Variants in KCNJ10 observed in about 807,000 individuals in gnomAD.
The protein encoded by KCNJ10 is potassium inwardly rectifying channel subfamily J member 10, also known as ATP-sensitive inward rectifier potassium channel 10.
KCNJ10 carries 9 observed loss-of-function variants against 22.2 expected under a neutral mutation model. That is an observed-to-expected ratio of 0.40 (90% CI 0.24 to 0.71). The LOEUF (loss-of-function observed/expected upper bound fraction) is 0.71, where lower values mean the gene tolerates loss of function less well. KCNJ10 is among the 30% of genes least tolerant of loss of function. The probability of loss-of-function intolerance (pLI) is 0.35; values close to 1 mark genes in which losing one functional copy is unlikely to be tolerated. For missense variants in KCNJ10, 337 were observed against 482.7 expected (o/e 0.70, Z 2.83); for synonymous variants, 184 against 187.3 (o/e 0.98, Z 0.15).
intron 1 of KCNJ10, among the ~76,000 whole-genome samples, chr1:160,054,982 T>C (rs1648992338): frequency 6.6e-6 from 1 of 152,060 alleles, no homozygotes; most frequent in South Asian, 2.1e-4. Context: ...AAGACTGACC[T>C]CCCCAACCAT....
At chr1:160,059,676 C>T (rs984537401) in intron 1 of KCNJ10, among the ~76,000 whole-genome samples, 4 of 152,174 alleles carry the variant, frequency 2.6e-5, no homozygotes, top group Admixed American at 6.5e-5. Flanking sequence ...GAGGAGGAGA[C>T]ATTCAGCAAT....
At position 160,053,212 on chromosome 1, in the gene KCNJ10, G is replaced by T. The variant is rs145135420; in HGVS notation, c.1-10680C>A. 2.3e-3 allele frequency among the ~76,000 whole-genome samples: 345 copies of T among 152,260 alleles called. 3 individuals carry two copies. The highest frequency in any genetic ancestry group is 7.8e-3 in the African/African-American group (325 of 41,548). On this transcript the variant is annotated intron_variant, in intron 1 of 1. Transcript: ENST00000644903. ...TGGTCCCACTCCTCCCCCCGGCCTC[G>T]GTGGAGAGAGCAAACAGCTACTCAG...
intron 1 of KCNJ10, among the ~76,000 whole-genome samples, chr1:160,066,014 C>T (rs1321651): frequency 0.53 from 80,031 of 151,520 alleles, 21,472 homozygotes; most frequent in East Asian, 0.72. Flanking sequence ...AAACCTGGGC[C>T]GGGAGAGGGA....
Sources: allele counts gnomAD v4.1 joint callset (sites outside exome capture counted in the v4.1 genomes callset), GRCh38; gene constraint gnomAD v4.1.1; transcripts MANE v1.5; gene names NCBI Gene and HGNC (gene_info 2026-07-23, HGNC 2026-07-21).